The following INSIG1 variants were observed in gnomAD, a reference collection of about 807,000 sequenced individuals.
INSIG1 encodes the protein insulin-induced gene 1 protein.
In INSIG1, 14 loss-of-function variants were observed where a neutral mutation model predicts 26.5. The ratio of observed to expected loss-of-function variants is 0.53; its 90% CI spans 0.35 to 0.83. The LOEUF is 0.83. INSIG1 is among the 40% of genes least tolerant of loss of function. The probability of loss-of-function intolerance (pLI) is 0.01; values close to 1 mark genes in which losing one functional copy is unlikely to be tolerated. For missense variants in INSIG1, 272 were observed against 368.9 expected (o/e 0.74, Z 2.15); for synonymous variants, 147 against 153.3 (o/e 0.96, Z 0.30).
intron 2 of INSIG1, 76 bp from the exon 3 acceptor site, chr7:155,301,490 G>C: frequency 7.3e-7 from 1 of 1,369,664 alleles, no homozygotes; most frequent in Non-Finnish European, 1.0e-6. Flanking sequence ...GTAATGTACT[G>C]TGTTACTAAT....
chr7:155,300,770 A>G (rs921469804), intron 2 of INSIG1, among the ~76,000 whole-genome samples: 2 of 152,222 alleles, frequency 1.3e-5, no homozygotes, highest in African/African-American at 2.4e-5. Flanking sequence ...CATAATCCTT[A>G]TAATTTTACA....
intron 5 of INSIG1, among the ~76,000 whole-genome samples, chr7:155,307,945 C>T (rs117469197): frequency 0.19 from 29,283 of 152,062 alleles, 3,384 homozygotes; most frequent in Non-Finnish European, 0.27. Context: ...ACTTATATAA[C>T]AGGCTTTATA....
chr7:155,306,385 C>T (rs1267488807), intron 5 of INSIG1, among the ~76,000 whole-genome samples: 3 of 152,252 alleles, frequency 2.0e-5, no homozygotes, highest in African/African-American at 7.2e-5. Context: ...CAAGTCCTTT[C>T]TCAAGAGTAA....
intron 2 of INSIG1, among the ~76,000 whole-genome samples, 185 bp from the exon 3 acceptor site, chr7:155,301,381 C>T (rs1286118350): frequency 6.6e-6 from 1 of 152,158 alleles, no homozygotes; most frequent in Non-Finnish European, 1.5e-5. Flanking sequence ...CTTTTCCAAA[C>T]AGTACAATTT....
Position 155,301,704 on chromosome 7 carries a change from T to G in INSIG1, c.537+14T>G, listed in dbSNP as rs370377897. On this transcript the variant is annotated intron_variant, in intron 3 of 5. Coordinates refer to ENST00000340368, the MANE Select transcript of INSIG1 (RefSeq NM_005542.6). ...CACGCCAGTGCTGTATCCTTAATTT[T>G]CTGTGCTACGTCCAGAGTATCTTCT... 19 of 1,546,850 alleles carry G rather than the reference T, an allele frequency of 1.2e-5. No individual in the cohort carries two copies. In the African/African-American group the frequency reaches 2.4e-4, roughly 20 times the overall value.
At chr7:155,298,745 G>C (rs1797704480) in intron 2 of INSIG1, 48 bp downstream of exon 2, 1 of 1,539,396 alleles carries the variant, frequency 6.5e-7, no homozygotes, top group South Asian at 1.2e-5. Flanking sequence ...GTGTCTTTTC[G>C]GTTGAAAGTA....
chr7:155,308,361 A>C lies in INSIG1; in HGVS notation c.*91A>C. On this transcript the variant is annotated 3_prime_UTR_variant, in exon 6 of 6. Coordinates refer to ENST00000340368, the MANE Select transcript of INSIG1 (RefSeq NM_005542.6). ...ACAAAGATTATCTTTTTTCTTAAGT[A>C]ATCTATTTAGATCGGGCTGACTGTA... 1 of 1,466,924 alleles carries C rather than the reference A, an allele frequency of 6.8e-7. No individual in the cohort carries two copies. The highest frequency in any genetic ancestry group is 9.6e-7 in the Non-Finnish European group (1 of 1,046,652). The allele number at this position is 1,466,924 out of a possible 1,614,324, so 90.9% of individuals were successfully genotyped here.
At chr7:155,299,595 A>G (rs114518484) in intron 2 of INSIG1, among the ~76,000 whole-genome samples, 2,033 of 152,268 alleles carry the variant, frequency 0.013, 56 homozygotes, top group African/African-American at 0.045. Context: ...CCCTATCCTT[A>G]AGCAGCTTAG....
chr7:155,308,142 A>G, intron 5 of INSIG1, 99 bp from the exon 6 acceptor site: 4 of 652,870 alleles, frequency 6.1e-6, no homozygotes, highest in Non-Finnish European at 1.1e-5. Context: ...AGAAAGTGTC[A>G]ATCTTTCCCA....
intron 1 of INSIG1, 35 bp downstream of exon 1, chr7:155,297,994 G>T (rs1797664750): frequency 6.8e-6 from 2 of 294,094 alleles, no homozygotes; most frequent in South Asian, 1.5e-4. Flanking sequence ...TCGCGGGCGG[G>T]CTTTGGTCGC....
At chr7:155,298,195 G>T in intron 1 of INSIG1, 64 bp from the exon 2 acceptor site, 1 of 1,303,596 alleles carries the variant, frequency 7.7e-7, no homozygotes, top group Non-Finnish European at 9.9e-7. Context: ...CGGGGTTCGC[G>T]TCCCGCGGGG....
chr7:155,301,655 A>G lies in INSIG1; in HGVS notation c.502A>G (p.Ile168Val). The stretch of plus-strand genomic sequence containing the variant: ...AGAATGGGCCAGTGTCATGCGCTGC[A>G]TAGCAGTTTTTGTTGGCATTAACCA... ...KREWASVMRC[I>V]AVFVGINHAS... The change falls in exon 3 of 6, where the codon ATA becomes GTA. Residue 168 changes from isoleucine (I) to valine (V), a missense_variant. This residue lies in a region of INSIG1 where 111 missense variants were observed against 189.8 expected (regional missense o/e 0.58). Coordinates refer to ENST00000340368, the MANE Select transcript of INSIG1 (RefSeq NM_005542.6). The G allele has an allele frequency of 6.2e-7, 1 of 1,602,184 alleles. No homozygotes were observed. Among genetic ancestry groups the G allele is most frequent in the East Asian group, 2.2e-5 (1 of 44,814 alleles).
At position 155,308,241 on chromosome 7, in the gene INSIG1, G is replaced by A; in HGVS notation, c.805G>A (p.Gly269Ser). 5.2e-6 allele frequency: 8 copies of A among 1,543,714 alleles called. No individual in the cohort carries two copies. Among genetic ancestry groups the A allele is most frequent in the Non-Finnish European group, 7.1e-6 (8 of 1,118,914 alleles). Reference protein sequence around the residue: ...VGNIGRQLAMGVPEKPHSD With the variant: ...VGNIGRQLAMSVPEKPHSD ...TTTTTTTTTTCCTTTCTACACATAG[G>A]GTGTTCCTGAAAAGCCCCATAGTGA... is the stretch of plus-strand genomic sequence containing the variant. Residue 269 changes from glycine (G) to serine (S), a missense_variant and splice_region_variant, in exon 6 of 6, where the codon GGT becomes AGT. Gly to Ser is a moderately conservative substitution (Grantham distance 56). This residue lies in a region of INSIG1 where 111 missense variants were observed against 189.8 expected (regional missense o/e 0.58). Transcript: ENST00000340368.
chr7:155,307,886 T>C (rs1797977296), intron 5 of INSIG1, among the ~76,000 whole-genome samples: 3 of 152,250 alleles, frequency 2.0e-5, no homozygotes, highest in Admixed American at 2.0e-4. Context: ...AAATTGGGTG[T>C]TTCCTTTATA....
intron 2 of INSIG1, among the ~76,000 whole-genome samples, chr7:155,300,558 A>G (rs539840317): frequency 1.3e-5 from 2 of 152,292 alleles, no homozygotes; most frequent in East Asian, 3.9e-4. Context: ...GCCCTGGGAC[A>G]CAGTGACCCT....
intron 5 of INSIG1, among the ~76,000 whole-genome samples, chr7:155,305,655 A>G (rs1197037135): frequency 6.6e-6 from 1 of 152,212 alleles, no homozygotes; most frequent in East Asian, 1.9e-4. Context: ...TCAGTTCAGC[A>G]CCGGGACCAG....
chr7:155,302,212 AAG>A lies in INSIG1; in HGVS notation c.538-36_538-35del, dbSNP rs1797808901. ...TGGTTTTACGTTTTTTTATCTTAAT[AAG>A]AGTCAGCAAACTTTTCCTTAACTTT... On this transcript the variant is annotated intron_variant, in intron 3 of 5. Coordinates refer to ENST00000340368, the MANE Select transcript of INSIG1 (RefSeq NM_005542.6). This position sits in a 1 kb window ranked among gnomAD's most constrained non-coding sequence, Gnocchi z 4.3. The A allele has an allele frequency of 6.6e-7, 1 of 1,511,934 alleles. No homozygotes were observed. 93.7% of individuals were successfully genotyped at this position (1,511,934 alleles called of 1,614,324 possible).
At chr7:155,300,803 G>C (rs908758666) in intron 2 of INSIG1, among the ~76,000 whole-genome samples, 1 of 152,172 alleles carries the variant, frequency 6.6e-6, no homozygotes, top group African/African-American at 2.4e-5. Context: ...AACATGCAGA[G>C]CCACGTCCCA....
At chr7:155,305,240 C>T (rs1424086708) in intron 5 of INSIG1, among the ~76,000 whole-genome samples, 2 of 152,042 alleles carry the variant, frequency 1.3e-5, no homozygotes, top group African/African-American at 4.8e-5. Flanking sequence ...GGTTCTAAGC[C>T]TAACCCGCCT....
Sources: gnomAD v4.1 joint callset for allele counts (sites outside exome capture counted in the v4.1 genomes callset) on GRCh38, gnomAD v4.1.1 for gene constraint, gnomAD v4.1.1 regional missense constraint, Gnocchi (gnomAD v3.1) non-coding constraint, MANE v1.5 for transcripts, NCBI Gene and HGNC (gene_info 2026-07-23, HGNC 2026-07-21) for gene names.